Variants in PCDHB12 observed in about 807,000 individuals in gnomAD.
PCDHB12 encodes the protein protocadherin beta 12.
For missense variants in PCDHB12, 1,192 were observed against 998.2 expected (o/e 1.19, Z -2.62); for synonymous variants, 560 against 445.2 (o/e 1.26, Z -3.24).
Position 141,210,145 on chromosome 5 carries a change from G to C in PCDHB12, c.1238G>C (p.Ser413Thr), listed in dbSNP as rs149877492. ...LETERPLDRE[S>T]RAEYNITITV... ...ACAGAGAGACCGCTGGACAGAGAGAGCAGAGCCGAGTACAACATCACCATC... is the reference window on the plus strand; with the variant it reads ...ACAGAGAGACCGCTGGACAGAGAGACCAGAGCCGAGTACAACATCACCATC... The change falls in exon 1 of 1, where the codon AGC (serine) becomes ACC (threonine). Residue 413 changes from serine to threonine, a missense_variant. By Grantham distance (58) the Ser-to-Thr change is moderately conservative. Transcript: ENST00000239450. 2.2e-5 allele frequency: 36 copies of C among 1,614,096 alleles called. No individual in the cohort carries two copies. The African/African-American group carries it at 2.7e-4, about 12-fold the overall frequency.
rs782234000 is a variant in PCDHB12 at position 141,210,055 on chromosome 5, G to T, written c.1148G>T (p.Cys383Phe). ...TCTGGGGACAACGGAAAGATGGTTT[G>T]TTCTATCCCGGAGGACATCCCATTC... is the stretch of plus-strand genomic sequence containing the variant. ...RDSGDNGKMVCSIPEDIPFVL... is the reference protein window; with the variant it reads ...RDSGDNGKMVFSIPEDIPFVL... Residue 383 changes from cysteine (C) to phenylalanine (F), a missense_variant, in exon 1 of 1, where the codon TGT becomes TTT. Coordinates refer to ENST00000239450, the MANE Select transcript of PCDHB12 (RefSeq NM_018932.4). 8.1e-6 allele frequency: 13 copies of T among 1,614,172 alleles called. No homozygotes were observed. The African/African-American group carries it at 1.5e-4, about 18-fold the overall frequency.
At position 141,209,558 on chromosome 5, in the gene PCDHB12, C is replaced by A; in HGVS notation, c.651C>A (p.Gly217=). 1.2e-6 allele frequency: 2 copies of A among 1,614,094 alleles called. No individual in the cohort carries two copies. Among genetic ancestry groups the A allele is most frequent in the South Asian group, 1.1e-5 (1 of 91,060 alleles). ...GTTTCATCCTCACTGCTCTGGATGG[C>A]GGGTCCCCTCCCAGGTCTGGAACTG... ...ELSFILTALD[G]GSPPRSGTAL... Residue 217 remains glycine, a synonymous_variant, in exon 1 of 1, where the codon GGC becomes GGA. Transcript: ENST00000239450.
rs782460339 is a variant in PCDHB12 at position 141,211,239 on chromosome 5, A to C, written c.2332A>C (p.Ser778Arg). ...AATTATCCCCAACTTCCTACCCCAG[A>C]GCACAGGTAGTGAAGTCGAAGAAAA... is the stretch of plus-strand genomic sequence containing the variant. ...KPIIPNFLPQ[S>R]TGSEVEENPP... The change falls in exon 1 of 1, where the codon AGC becomes CGC. Residue 778 changes from serine (S) to arginine (R), a missense_variant. Coordinates refer to ENST00000239450, the MANE Select transcript of PCDHB12 (RefSeq NM_018932.4). 1.2e-6 allele frequency: 2 copies of C among 1,612,338 alleles called. No homozygotes were observed. The highest frequency in any genetic ancestry group is 3.4e-5 in the Admixed American group (2 of 59,670).
rs782259044 is a variant in PCDHB12 at position 141,210,153 on chromosome 5, G to A, written c.1246G>A (p.Glu416Lys). ...ERPLDRESRA[E>K]YNITITVTDL... The stretch of plus-strand genomic sequence containing the variant: ...ACCGCTGGACAGAGAGAGCAGAGCC[G>A]AGTACAACATCACCATCACCGTCAC... The change falls in exon 1 of 1, where the codon GAG (glutamate) becomes AAG (lysine). Residue 416 changes from glutamate to lysine, a missense_variant. Transcript: ENST00000239450. The A allele has an allele frequency of 6.2e-7, 1 of 1,614,058 alleles. No individual in the cohort carries two copies. Among genetic ancestry groups the A allele is most frequent in the African/African-American group, 1.3e-5 (1 of 74,926 alleles).
rs1554286980 is a variant in PCDHB12, at chr5:141,210,560, G to A, written c.1653G>A (p.Val551=). 6.2e-7 allele frequency: 1 copy of A among 1,611,762 alleles called. No homozygotes were observed. ...LSSEALVRVL[V]LDANDNSPFV... ...GCGAGGCGCTGGTGCGCGTGCTGGTGCTGGACGCCAACGACAACTCGCCCT... is the reference window on the plus strand; with the variant it reads ...GCGAGGCGCTGGTGCGCGTGCTGGTACTGGACGCCAACGACAACTCGCCCT... The change falls in exon 1 of 1, where the codon GTG becomes GTA. Residue 551 remains valine (V), a synonymous_variant. Coordinates refer to ENST00000239450, the MANE Select transcript of PCDHB12 (RefSeq NM_018932.4).
chr5:141,208,769 A>G lies in PCDHB12; in HGVS notation c.-139A>G, dbSNP rs1754355828. ...AGAAAGAACAATCCTTTAAGGGAGA[A>G]CCTAGAAGCCATTCAACAAGGTTAA... On this transcript the variant is annotated 5_prime_UTR_variant, in exon 1 of 1. Coordinates refer to ENST00000239450, the MANE Select transcript of PCDHB12 (RefSeq NM_018932.4). The G allele has an allele frequency of 4.5e-6, 3 of 666,362 alleles. No homozygotes were observed. The highest frequency in any genetic ancestry group is 6.9e-5 in the Admixed American group (2 of 29,136). The allele number at this position is 666,362 out of a possible 1,614,324, so 41.3% of individuals were successfully genotyped here.
At position 141,208,895 on chromosome 5, in the gene PCDHB12, T is replaced by G. The variant is rs1455718036; in HGVS notation, c.-13T>G. 1 of 1,512,768 alleles carries G rather than the reference T, an allele frequency of 6.6e-7. No homozygotes were observed. Among genetic ancestry groups the G allele is most frequent in the African/African-American group, 1.4e-5 (1 of 71,558 alleles). The allele number at this position is 1,512,768 out of a possible 1,614,324, so 93.7% of individuals were successfully genotyped here. ...ATTCTGCAAGAAGATTTTGGGGTTTTGGAAAAGAAGCTATGGAAAACGGAG... is the reference window on the plus strand; with the variant it reads ...ATTCTGCAAGAAGATTTTGGGGTTTGGGAAAAGAAGCTATGGAAAACGGAG... On this transcript the variant is annotated 5_prime_UTR_variant, in exon 1 of 1. Transcript: ENST00000239450.
rs782218546 is a variant in PCDHB12, at chr5:141,210,198, C to G, written c.1291C>G (p.Leu431Val). 57 of 1,614,020 alleles carry G rather than the reference C, an allele frequency of 3.5e-5. No individual in the cohort carries two copies. Among genetic ancestry groups the G allele is most frequent in the Non-Finnish European group, 4.6e-5 (54 of 1,179,996 alleles). ...ITVTDLGTPR[L>V]KTEHNITVLV... ...CGTCACCGACTTGGGGACCCCCAGG[C>G]TAAAAACCGAGCACAACATAACCGT... The change falls in exon 1 of 1, where the codon CTA (leucine) becomes GTA (valine). Residue 431 changes from leucine to valine, a missense_variant. Transcript: ENST00000239450.
Position 141,211,162 on chromosome 5 carries a change from A to T in PCDHB12, c.2255A>T (p.Glu752Val). The T allele has an allele frequency of 6.2e-7, 1 of 1,614,030 alleles. No individual in the cohort carries two copies. The highest frequency in any genetic ancestry group is 8.5e-7 in the Non-Finnish European group (1 of 1,179,982). Residue 752 changes from glutamate (E) to valine (V), a missense_variant, in exon 1 of 1, where the codon GAG becomes GTG. Transcript: ENST00000239450. ...ACCCTGTCCCAGAGCTACCACTATG[A>T]GGTGTGTGTGACTGGAGGCTCCAGG... ...TGTLSQSYHY[E>V]VCVTGGSRSN... is the part of the protein sequence containing the mutation.
In PCDHB12 at chr5:141,210,878, G is replaced by A. The variant is rs782265208; in HGVS notation, c.1971G>A (p.Thr657=). The A allele has an allele frequency of 8.7e-6, 14 of 1,606,026 alleles. No individual in the cohort carries two copies. Among genetic ancestry groups the A allele is most frequent in the Non-Finnish European group, 1.2e-5 (14 of 1,179,456 alleles). Residue 657 remains threonine, a synonymous_variant, in exon 1 of 1, where the codon ACG becomes ACA. Coordinates refer to ENST00000239450, the MANE Select transcript of PCDHB12 (RefSeq NM_018932.4). The part of the protein sequence containing the change: ...NGEPPRSATA[T]LHVLLVDGFS... ...AGCCTCCGCGCTCGGCCACCGCCAC[G>A]CTGCACGTGCTCCTGGTGGACGGCT...
chr5:141,210,367 A>C lies in PCDHB12; in HGVS notation c.1460A>C (p.Asn487Thr), dbSNP rs552351163. The change falls in exon 1 of 1, where the codon AAC becomes ACC. Residue 487 changes from asparagine to threonine, a missense_variant. Asn to Thr is a moderately conservative substitution (Grantham distance 65). Coordinates refer to ENST00000239450, the MANE Select transcript of PCDHB12 (RefSeq NM_018932.4). ...GACTCGGGCACCAACGCCCAGGTCA[A>C]CTACTCGCTGCTGCCGTCCCAGGAC... ...DRDSGTNAQV[N>T]YSLLPSQDPH... 147 of 1,613,016 alleles carry C rather than the reference A, an allele frequency of 9.1e-5. No individual in the cohort carries two copies. The highest frequency in any genetic ancestry group is 1.5e-4 in the Admixed American group (9 of 60,030).
chr5:141,210,074 C>A lies in PCDHB12; in HGVS notation c.1167C>A (p.Ile389=). 1.2e-6 allele frequency: 2 copies of A among 1,614,158 alleles called. No homozygotes were observed. Among genetic ancestry groups the A allele is most frequent in the Non-Finnish European group, 1.7e-6 (2 of 1,180,040 alleles). Reference sequence around the variant, plus strand: ...TGGTTTGTTCTATCCCGGAGGACATCCCATTCGTGCTAAAATCTTCGGTAA... The same window carrying A: ...TGGTTTGTTCTATCCCGGAGGACATACCATTCGTGCTAAAATCTTCGGTAA... ...GKMVCSIPED[I]PFVLKSSVNN... is the part of the protein sequence containing the mutation. The change falls in exon 1 of 1, where the codon ATC becomes ATA. Residue 389 remains isoleucine (I), a synonymous_variant. Coordinates refer to ENST00000239450, the MANE Select transcript of PCDHB12 (RefSeq NM_018932.4).
chr5:141,209,497 A>G lies in PCDHB12; in HGVS notation c.590A>G (p.Asp197Gly). The part of the protein sequence containing the change: ...DNRKYPELVL[D>G]KALDYEERPE... Reference sequence around the variant, plus strand: ...AGGAAATACCCTGAGTTAGTTCTGGACAAGGCGCTGGATTATGAAGAGCGC... The same window carrying G: ...AGGAAATACCCTGAGTTAGTTCTGGGCAAGGCGCTGGATTATGAAGAGCGC... Residue 197 changes from aspartate (D) to glycine (G), a missense_variant, in exon 1 of 1, where the codon GAC becomes GGC. Physicochemically the swap from Asp to Gly is moderately conservative, Grantham distance 94. Transcript: ENST00000239450. The G allele has an allele frequency of 1.9e-6, 3 of 1,614,224 alleles. No individual in the cohort carries two copies. Among genetic ancestry groups the G allele is most frequent in the Non-Finnish European group, 2.5e-6 (3 of 1,180,034 alleles).
rs61746627 is a variant in PCDHB12, at chr5:141,209,999, G to A, written c.1092G>A (p.Val364=). Residue 364 remains valine (V), a synonymous_variant, in exon 1 of 1, where the codon GTG becomes GTA. Coordinates refer to ENST00000239450, the MANE Select transcript of PCDHB12 (RefSeq NM_018932.4). ...TCCCAGAAAACACTCCAGAGACTGT[G>A]GTTATGGTTTTCAGGATACGAGACA... The part of the protein sequence containing the change: ...SPIPENTPET[V]VMVFRIRDRD... 1.3e-4 allele frequency: 214 copies of A among 1,614,134 alleles called. No homozygotes were observed. The African/African-American group carries it at 2.6e-3, about 19-fold the overall frequency.
chr5:141,211,569 C>A lies in PCDHB12; in HGVS notation c.*274C>A. On this transcript the variant is annotated 3_prime_UTR_variant, in exon 1 of 1. Transcript: ENST00000239450. ...TGTTTGAGATATTTTAAATTGCTTT[C>A]CATTGTTTTCAATATTTACTGTGAC... 2.2e-6 allele frequency: 1 copy of A among 459,624 alleles called. No individual in the cohort carries two copies. The highest frequency in any genetic ancestry group is 2.5e-5 in the South Asian group (1 of 40,166). The allele number at this position is 459,624 out of a possible 1,614,324, so 28.5% of individuals were successfully genotyped here. A position where few individuals can be genotyped will look rare whatever the true frequency, so the allele number is the denominator to read the frequency against.
rs10568970 is a variant in PCDHB12, at chr5:141,208,743, CAG to C, written c.-163_-162del. The C allele has an allele frequency of 5.6e-3, 2,908 of 523,590 alleles. 68 individuals are homozygous for C. The highest frequency in any genetic ancestry group is 0.049 in the African/African-American group (2,534 of 51,202). 32.4% of individuals were successfully genotyped at this position (523,590 alleles called of 1,614,324 possible). ...CAGTACACGCGGAGAACTGGGAAGA[CAG>C]AAAGAACAATCCTTTAAGGGAGAAC... On this transcript the variant is annotated 5_prime_UTR_variant, in exon 1 of 1. Transcript: ENST00000239450.
chr5:141,209,606 A>G lies in PCDHB12; in HGVS notation c.699A>G (p.Val233=), dbSNP rs1754384670. 6.2e-7 allele frequency: 1 copy of G among 1,614,084 alleles called. No individual in the cohort carries two copies. Among genetic ancestry groups the G allele is most frequent in the African/African-American group, 1.3e-5 (1 of 74,926 alleles). The change falls in exon 1 of 1, where the codon GTA becomes GTG. Residue 233 remains valine, a synonymous_variant. Transcript: ENST00000239450. ...CTGCCTTGGTCAGGGTGGTGGTTGTAGATATTAATGACAACTCCCCTGAGT... is the reference window on the plus strand; with the variant it reads ...CTGCCTTGGTCAGGGTGGTGGTTGTGGATATTAATGACAACTCCCCTGAGT... The part of the protein sequence containing the change: ...SGTALVRVVV[V]DINDNSPEFE...
Position 141,209,965 on chromosome 5 carries a change from C to A in PCDHB12, c.1058C>A (p.Thr353Asn). Reference sequence around the variant, plus strand: ...CCTGAAATCACTGTGTCATCAATTACCAGTCCAATCCCAGAAAACACTCCA... The same window carrying A: ...CCTGAAATCACTGTGTCATCAATTAACAGTCCAATCCCAGAAAACACTCCA... ...NAPEITVSSI[T>N]SPIPENTPET... The change falls in exon 1 of 1, where the codon ACC becomes AAC. Residue 353 changes from threonine to asparagine, a missense_variant. Physicochemically the swap from Thr to Asn is moderately conservative, Grantham distance 65. Coordinates refer to ENST00000239450, the MANE Select transcript of PCDHB12 (RefSeq NM_018932.4). The A allele has an allele frequency of 3.7e-6, 6 of 1,614,158 alleles. No individual in the cohort carries two copies. The highest frequency in any genetic ancestry group is 5.1e-6 in the Non-Finnish European group (6 of 1,180,038).
In PCDHB12 at chr5:141,211,869, CTA is replaced by C. The variant is rs1754469801; in HGVS notation, c.*575_*576del. ...GCATCCATCCTAGATCTGCCTGACT[CTA>C]AGTCAGTGACTTTGCTCCCATTCCA... On this transcript the variant is annotated 3_prime_UTR_variant, in exon 1 of 1. Coordinates refer to ENST00000239450, the MANE Select transcript of PCDHB12 (RefSeq NM_018932.4). 1 of 169,150 alleles carries C rather than the reference CTA, an allele frequency of 5.9e-6. No homozygotes were observed. Among genetic ancestry groups the C allele is most frequent in the Admixed American group, 6.4e-5 (1 of 15,582 alleles). The allele number at this position is 169,150 out of a possible 1,614,324, so 10.5% of individuals were successfully genotyped here.
Sources: gnomAD v4.1 joint callset for allele counts on GRCh38, gnomAD v4.1.1 for gene constraint, MANE v1.5 for transcripts, NCBI Gene and HGNC (gene_info 2026-07-23, HGNC 2026-07-21) for gene names.